Variants in VPS41 observed in about 807,000 individuals in gnomAD.
The protein encoded by VPS41 is VPS41 subunit of HOPS complex.
VPS41 carries 85 observed loss-of-function variants against 130.9 expected under a neutral mutation model. The observed-to-expected ratio is 0.65, with a 90% CI of 0.55 to 0.78. The LOEUF (loss-of-function observed/expected upper bound fraction) is 0.78, where lower values mean the gene tolerates loss of function less well. VPS41 is among the 30% of genes least tolerant of loss of function. VPS41 has a pLI of 0.00. For synonymous variants in VPS41, 335 were observed against 332.9 expected (o/e 1.01, Z -0.07); for missense variants, 874 against 1,018.7 (o/e 0.86, Z 1.93).
intron 2 of VPS41, among the ~76,000 whole-genome samples, chr7:38,877,708 T>C (rs1180507884): frequency 6.6e-6 from 1 of 152,068 alleles, no homozygotes; most frequent in East Asian, 1.9e-4. Context: ...AAAAATTAGA[T>C]AAAGATAAAA....
At chr7:38,749,613 T>A (rs2286093) in intron 22 of VPS41, among the ~76,000 whole-genome samples, 136,236 of 152,202 alleles carry the variant, frequency 0.9, 61,054 homozygotes, top group East Asian at 0.99. Flanking sequence ...AAAGGGAGGC[T>A]TTATAATTTC....
At chr7:38,896,567 A>T (rs1786998538) in intron 2 of VPS41, among the ~76,000 whole-genome samples, 1 of 152,192 alleles carries the variant, frequency 6.6e-6, no homozygotes. Flanking sequence ...TTTTTAGCTC[A>T]TCAGCTATTG....
chr7:38,753,834 T>A (rs1016956534), intron 21 of VPS41, among the ~76,000 whole-genome samples: 1 of 152,268 alleles, frequency 6.6e-6, no homozygotes, highest in Middle Eastern at 3.4e-3. Context: ...AAGGTGCCTC[T>A]CATTCCCTTC....
At position 38,852,633 on chromosome 7, in the gene VPS41, G is replaced by C. The variant is rs370574739; in HGVS notation, c.246+9912C>G. Among the ~76,000 whole-genome samples, 3 of 152,164 alleles carry C rather than the reference G, an allele frequency of 2.0e-5. 1 individual carries two copies. The highest frequency in any genetic ancestry group is 1.9e-4 in the East Asian group (1 of 5,184). Reference sequence around the variant, plus strand: ...TTAGAAATTATAGCCAAATAAATAAGTTCTAGAGCAGGTGAATAAAACAAA... The same window carrying C: ...TTAGAAATTATAGCCAAATAAATAACTTCTAGAGCAGGTGAATAAAACAAA... On this transcript the variant is annotated intron_variant, in intron 4 of 28. Transcript: ENST00000310301.
At chr7:38,832,015 T>C (rs932453133) in intron 4 of VPS41, among the ~76,000 whole-genome samples, 2 of 152,172 alleles carry the variant, frequency 1.3e-5, no homozygotes, top group Admixed American at 6.5e-5. Context: ...CACTTTTTTT[T>C]CTGCCAACAA....
intron 5 of VPS41, 52 bp from the exon 6 acceptor site, chr7:38,821,317 T>C (rs1562598634): frequency 7.5e-7 from 1 of 1,333,048 alleles, no homozygotes; most frequent in Non-Finnish European, 1.1e-6. Flanking sequence ...TAGAGAAGGC[T>C]ACTGAGTCAG....
intron 14 of VPS41, among the ~76,000 whole-genome samples, chr7:38,768,568 T>A (rs922931861): frequency 1.3e-5 from 2 of 152,206 alleles, no homozygotes; most frequent in Non-Finnish European, 2.9e-5. Flanking sequence ...GTATATTAAA[T>A]TTTTACTTTA....
At chr7:38,819,223 G>A (rs1020185215) in intron 6 of VPS41, among the ~76,000 whole-genome samples, 7 of 152,220 alleles carry the variant, frequency 4.6e-5, no homozygotes, top group African/African-American at 1.7e-4. Flanking sequence ...ACTTGCAATA[G>A]CTAGGCTCAG....
At chr7:38,782,577 G>C (rs537359453) in intron 10 of VPS41, among the ~76,000 whole-genome samples, 103 of 152,232 alleles carry the variant, frequency 6.8e-4, no homozygotes, top group Non-Finnish European at 1.3e-3. Flanking sequence ...TACATTCCCA[G>C]AATCTTCTAA....
At chr7:38,816,088 G>A (rs532358742) in intron 7 of VPS41, among the ~76,000 whole-genome samples, 1 of 152,292 alleles carries the variant, frequency 6.6e-6, no homozygotes, top group African/African-American at 2.4e-5. Flanking sequence ...TCCTGAGGCT[G>A]ACAAAGACAA....
intron 5 of VPS41, among the ~76,000 whole-genome samples, chr7:38,828,934 G>A (rs551657382): frequency 1.8e-4 from 27 of 152,106 alleles, no homozygotes; most frequent in African/African-American, 4.3e-4. Flanking sequence ...GTAAAAATTC[G>A]TTTCCAATTT....
chr7:38,887,294 G>A (rs1341465273), intron 2 of VPS41, among the ~76,000 whole-genome samples: 3 of 152,140 alleles, frequency 2.0e-5, no homozygotes, highest in Non-Finnish European at 4.4e-5. Context: ...AAGGTTAGAC[G>A]AATGGCTAAC....
At chr7:38,854,515 T>C (rs1490423168) in intron 4 of VPS41, among the ~76,000 whole-genome samples, 4 of 152,210 alleles carry the variant, frequency 2.6e-5, no homozygotes, top group African/African-American at 7.2e-5. Context: ...ATAATGAATG[T>C]ATGGCATCTG....
intron 19 of VPS41, among the ~76,000 whole-genome samples, chr7:38,756,169 A>C (rs3801141): frequency 0.24 from 36,031 of 151,372 alleles, 5,011 homozygotes; most frequent in East Asian, 0.43. Context: ...CTGTTTTATA[A>C]ACCTCATTAT....
At chr7:38,768,712 A>G (rs1294431934) in intron 14 of VPS41, among the ~76,000 whole-genome samples, 2 of 152,206 alleles carry the variant, frequency 1.3e-5, no homozygotes, top group Non-Finnish European at 2.9e-5. Flanking sequence ...CAAGGTTCAG[A>G]GAAAGAATGT....
chr7:38,825,609 T>C (rs1268750642), intron 5 of VPS41, among the ~76,000 whole-genome samples: 2 of 152,040 alleles, frequency 1.3e-5, no homozygotes, highest in African/African-American at 2.4e-5. Context: ...TCTCCTGTAG[T>C]AGCCCTAACA....
At chr7:38,895,773 C>T (rs1786972540) in intron 2 of VPS41, among the ~76,000 whole-genome samples, 1 of 152,162 alleles carries the variant, frequency 6.6e-6, no homozygotes, top group Non-Finnish European at 1.5e-5. Context: ...CAGCACCATC[C>T]AACTCTTGTC....
chr7:38,863,718 C>G (rs1241209186), intron 3 of VPS41, among the ~76,000 whole-genome samples: 1 of 152,126 alleles, frequency 6.6e-6, no homozygotes, highest in Non-Finnish European at 1.5e-5. Flanking sequence ...AAAATCAATA[C>G]TGGTTAATAA....
intron 2 of VPS41, among the ~76,000 whole-genome samples, chr7:38,897,549 GC>G: frequency 6.6e-6 from 1 of 151,864 alleles, no homozygotes; most frequent in East Asian, 1.9e-4. Flanking sequence ...GGAGGCTGAG[GC>G]AGGAGAATGG....
Sources: allele counts gnomAD v4.1 joint callset (sites outside exome capture counted in the v4.1 genomes callset), GRCh38; gene constraint gnomAD v4.1.1; transcripts MANE v1.5; gene names NCBI Gene and HGNC (gene_info 2026-07-23, HGNC 2026-07-21).